Variants in PCDHGB7 observed in about 807,000 individuals in gnomAD.
PCDHGB7 encodes protocadherin gamma-B7.
Under a neutral mutation model 61.4 loss-of-function variants are expected in PCDHGB7, and 37 were observed. The observed-to-expected ratio is 0.60, with a 90% CI of 0.46 to 0.79. The LOEUF is 0.79. PCDHGB7 is among the 30% of genes least tolerant of loss of function. The pLI, the probability that PCDHGB7 is intolerant of heterozygous loss-of-function variation, is 0.00. For missense variants in PCDHGB7, 1,166 were observed against 1,202.5 expected (o/e 0.97, Z 0.45); for synonymous variants, 464 against 503.5 (o/e 0.92, Z 1.05).
chr5:141,459,579 T>G (rs1047850142), intron 1 of PCDHGB7, among the ~76,000 whole-genome samples: 2 of 152,212 alleles, frequency 1.3e-5, no homozygotes, highest in African/African-American at 4.8e-5. Context: ...AGAATTGTTT[T>G]GGGGGTCATA....
At position 141,476,813 on chromosome 5, in the gene PCDHGB7, A is replaced by G. The variant is rs749333814; in HGVS notation, c.2416-17994A>G. The G allele has an allele frequency of 6.8e-6, 11 of 1,613,548 alleles. No individual in the cohort carries two copies. Among genetic ancestry groups the G allele is most frequent in the Non-Finnish European group, 9.3e-6 (11 of 1,180,022 alleles). On this transcript the variant is annotated intron_variant, in intron 1 of 3. Transcript: ENST00000398594. The surrounding 1 kb of genome is among the most constrained non-coding windows in gnomAD (Gnocchi z 7.6). ...CTCCGCCAGCCTGCCTATTCACATC[A>G]AGGTGCTGGACGCGAATGACAATGC...
intron 1 of PCDHGB7, among the ~76,000 whole-genome samples, chr5:141,460,620 C>G (rs185269852): frequency 5.6e-4 from 85 of 151,856 alleles, no homozygotes; most frequent in African/African-American, 1.9e-3. Context: ...GATAGATAGA[C>G]AGATACAGAT....
At position 141,489,985 on chromosome 5, in the gene PCDHGB7, G is replaced by A. The variant is rs761481986; in HGVS notation, c.2416-4822G>A. ...AACCTTCCAATCCTCAGTTCTACGT[G>A]TGGGAATCCCAGAGAATGCACCCAT... On this transcript the variant is annotated intron_variant, in intron 1 of 3. Transcript: ENST00000398594. The surrounding 1 kb of genome is among the most constrained non-coding windows in gnomAD (Gnocchi z 4.5). The A allele has an allele frequency of 1.2e-6, 2 of 1,614,094 alleles. No homozygotes were observed. Among genetic ancestry groups the A allele is most frequent in the African/African-American group, 2.7e-5 (2 of 74,946 alleles).
rs1032345173 is a variant in PCDHGB7 at position 141,468,852 on chromosome 5, C to T, written c.2416-25955C>T. Among the ~76,000 whole-genome samples the T allele has an allele frequency of 7.2e-5, 11 of 151,868 alleles. No individual in the cohort carries two copies. In the East Asian group the frequency reaches 9.7e-4, roughly 13 times the overall value. On this transcript the variant is annotated intron_variant, in intron 1 of 3. Transcript: ENST00000398594. ...CTGCACTCCAGCCTGGGCAACAGAG[C>T]GAGACTCCATCTCAAAAATAATAAT... is the stretch of plus-strand genomic sequence containing the variant.
At position 141,419,723 on chromosome 5, in the gene PCDHGB7, C is replaced by A; in HGVS notation, c.1864C>A (p.Arg622=). 6 of 1,613,292 alleles carry A rather than the reference C, an allele frequency of 3.7e-6. No homozygotes were observed. The highest frequency in any genetic ancestry group is 5.1e-6 in the Non-Finnish European group (6 of 1,179,622). The change falls in exon 1 of 4, where the codon CGA becomes AGA. Residue 622 remains arginine (R), a synonymous_variant. Coordinates refer to ENST00000398594, the MANE Select transcript of PCDHGB7 (RefSeq NM_018927.4). The stretch of plus-strand genomic sequence containing the variant: ...GCCCGGGCTCTTCAGCCTGGGGCTG[C>A]GAACAGGCGAGGTGCGCATGGTGCG... ...SEPGLFSLGL[R]TGEVRMVRAL... is the part of the protein sequence containing the mutation.
Position 141,427,512 on chromosome 5 carries a change from T to A in PCDHGB7, c.2415+7238T>A, listed in dbSNP as rs1483922394. ...GCTTGTAACAGATGGGACCCTGGATTGGGAGCGGATCCCGGAGTACAACGT... is the reference window on the plus strand; with the variant it reads ...GCTTGTAACAGATGGGACCCTGGATAGGGAGCGGATCCCGGAGTACAACGT... On this transcript the variant is annotated intron_variant, in intron 1 of 3. Transcript: ENST00000398594. 1.2e-5 allele frequency: 7 copies of A among 592,748 alleles called. No homozygotes were observed. The Admixed American group carries it at 1.3e-4, about 11-fold the overall frequency. 36.7% of individuals were successfully genotyped at this position (592,748 alleles called of 1,614,324 possible). A position where few individuals can be genotyped will look rare whatever the true frequency, so the allele number is the denominator to read the frequency against.
chr5:141,419,275 G>A lies in PCDHGB7; in HGVS notation c.1416G>A (p.Ala472=). 1.6e-5 allele frequency: 26 copies of A among 1,613,974 alleles called. No individual in the cohort carries two copies. Among genetic ancestry groups the A allele is most frequent in the Non-Finnish European group, 2.2e-5 (26 of 1,179,880 alleles). The stretch of plus-strand genomic sequence containing the variant: ...ACAACCAGCCGGGTGCCTCCATAGC[G>A]CAAGTCAGTGCCTCTGACCCAGACT... ...PENNQPGASI[A]QVSASDPDFG... Residue 472 remains alanine (A), a synonymous_variant, in exon 1 of 4, where the codon GCG becomes GCA. Coordinates refer to ENST00000398594, the MANE Select transcript of PCDHGB7 (RefSeq NM_018927.4).
intron 1 of PCDHGB7, among the ~76,000 whole-genome samples, chr5:141,447,123 T>G (rs1004463863): frequency 1.3e-5 from 2 of 152,160 alleles, no homozygotes; most frequent in Non-Finnish European, 2.9e-5. Flanking sequence ...CCATGGATTT[T>G]TTTGTTTGTT....
chr5:141,489,300 C>G lies in PCDHGB7; in HGVS notation c.2416-5507C>G. The G allele has an allele frequency of 6.3e-7, 1 of 1,585,700 alleles. No individual in the cohort carries two copies. The highest frequency in any genetic ancestry group is 1.2e-5 in the South Asian group (1 of 85,012). Reference sequence around the variant, plus strand: ...AATGGCAAGTGCTGTGCATGTTGTCCTTGTGCTGCTGGGGCTGGGTGTCTG... The same window carrying G: ...AATGGCAAGTGCTGTGCATGTTGTCGTTGTGCTGCTGGGGCTGGGTGTCTG... On this transcript the variant is annotated intron_variant, in intron 1 of 3. Coordinates refer to ENST00000398594, the MANE Select transcript of PCDHGB7 (RefSeq NM_018927.4). This position sits in a 1 kb window ranked among gnomAD's most constrained non-coding sequence, Gnocchi z 4.5.
chr5:141,490,544 A>G lies in PCDHGB7; in HGVS notation c.2416-4263A>G. 6.2e-7 allele frequency: 1 copy of G among 1,614,120 alleles called. No individual in the cohort carries two copies. Among genetic ancestry groups the G allele is most frequent in the Non-Finnish European group, 8.5e-7 (1 of 1,180,028 alleles). ...AGCGATGCTGGTTCACCTTCCCTAC[A>G]CAAACATCTCACCATCAGGCTCAAC... On this transcript the variant is annotated intron_variant, in intron 1 of 3. Transcript: ENST00000398594. This position sits in a 1 kb window ranked among gnomAD's most constrained non-coding sequence, Gnocchi z 5.4.
chr5:141,432,421 C>T lies in PCDHGB7; in HGVS notation c.2415+12147C>T, dbSNP rs771647620. 10 of 1,614,126 alleles carry T rather than the reference C, an allele frequency of 6.2e-6. No homozygotes were observed. In the African/African-American group the frequency reaches 1.2e-4, roughly 19 times the overall value. ...TGTCGTTGAGCCTGTTCGTGCTGGA[C>T]CAGAACGACAATGCGCCCGAGATCC... On this transcript the variant is annotated intron_variant, in intron 1 of 3. Transcript: ENST00000398594. This position sits in a 1 kb window ranked among gnomAD's most constrained non-coding sequence, Gnocchi z 6.0.
chr5:141,485,106 T>C lies in PCDHGB7; in HGVS notation c.2416-9701T>C, dbSNP rs2099607051. The C allele has an allele frequency of 3.3e-6, 4 of 1,206,448 alleles. No homozygotes were observed. Among genetic ancestry groups the C allele is most frequent in the Non-Finnish European group, 4.8e-6 (4 of 828,284 alleles). 74.7% of individuals were successfully genotyped at this position (1,206,448 alleles called of 1,614,324 possible). ...GGGAGATAGGTGTCTCCAGCTGCTGTGGCTGTTTGGGGCGGGTCGGCTTCA... is the reference window on the plus strand; with the variant it reads ...GGGAGATAGGTGTCTCCAGCTGCTGCGGCTGTTTGGGGCGGGTCGGCTTCA... On this transcript the variant is annotated intron_variant, in intron 1 of 3. Coordinates refer to ENST00000398594, the MANE Select transcript of PCDHGB7 (RefSeq NM_018927.4). This position sits in a 1 kb window ranked among gnomAD's most constrained non-coding sequence, Gnocchi z 5.7.
Position 141,490,693 on chromosome 5 carries a change from G to A in PCDHGB7, c.2416-4114G>A. On this transcript the variant is annotated intron_variant, in intron 1 of 3. Coordinates refer to ENST00000398594, the MANE Select transcript of PCDHGB7 (RefSeq NM_018927.4). This position sits in a 1 kb window ranked among gnomAD's most constrained non-coding sequence, Gnocchi z 5.4. ...GGCTGCCTCAGATCCAGACACTGGGGATAATGCCCGCCTCACCTACTCCAT... is the reference window on the plus strand; with the variant it reads ...GGCTGCCTCAGATCCAGACACTGGGAATAATGCCCGCCTCACCTACTCCAT... 1.9e-6 allele frequency: 3 copies of A among 1,614,170 alleles called. No homozygotes were observed. Among genetic ancestry groups the A allele is most frequent in the Non-Finnish European group, 2.5e-6 (3 of 1,180,018 alleles).
chr5:141,486,645 C>T lies in PCDHGB7; in HGVS notation c.2416-8162C>T, dbSNP rs369948556. ...GACTCTGGCTTGAATGCGCTTATCT[C>T]CTACTCACTCCTGGAGCCCAGGAAT... On this transcript the variant is annotated intron_variant, in intron 1 of 3. Coordinates refer to ENST00000398594, the MANE Select transcript of PCDHGB7 (RefSeq NM_018927.4). This position sits in a 1 kb window ranked among gnomAD's most constrained non-coding sequence, Gnocchi z 5.0. 1.9e-6 allele frequency: 3 copies of T among 1,613,752 alleles called. No individual in the cohort carries two copies. The highest frequency in any genetic ancestry group is 2.2e-5 in the East Asian group (1 of 44,896).
In PCDHGB7 at chr5:141,491,534, G is replaced by A. The variant is rs376996144; in HGVS notation, c.2416-3273G>A. On this transcript the variant is annotated intron_variant, in intron 1 of 3. Coordinates refer to ENST00000398594, the MANE Select transcript of PCDHGB7 (RefSeq NM_018927.4). This position sits in a 1 kb window ranked among gnomAD's most constrained non-coding sequence, Gnocchi z 6.9. The stretch of plus-strand genomic sequence containing the variant: ...CTCAAGTACATGGAGGTGACGCTGC[G>A]GCCCACAGACTCGCAGAGCCACTGC... The A allele has an allele frequency of 6.2e-7, 1 of 1,614,030 alleles. No homozygotes were observed. The highest frequency in any genetic ancestry group is 8.5e-7 in the Non-Finnish European group (1 of 1,180,028).
intron 1 of PCDHGB7, among the ~76,000 whole-genome samples, chr5:141,483,611 A>G (rs2099583566): frequency 6.6e-6 from 1 of 151,952 alleles, no homozygotes; most frequent in South Asian, 2.1e-4. Context: ...TTACACCTCC[A>G]TCATTCCCAT....
chr5:141,429,896 A>G (rs1307950556), intron 1 of PCDHGB7, among the ~76,000 whole-genome samples: 1 of 152,346 alleles, frequency 6.6e-6, no homozygotes, highest in South Asian at 2.1e-4. Flanking sequence ...TGAACAATAA[A>G]TATTTTTGAA....
chr5:141,460,470 A>T (rs2098990057), intron 1 of PCDHGB7, among the ~76,000 whole-genome samples: 1 of 152,110 alleles, frequency 6.6e-6, no homozygotes, highest in South Asian at 2.1e-4. Flanking sequence ...TTTCCAAAGG[A>T]ATATCCAATT....
At chr5:141,474,652 T>C (rs962582027) in intron 1 of PCDHGB7, among the ~76,000 whole-genome samples, 1 of 152,206 alleles carries the variant, frequency 6.6e-6, no homozygotes, top group African/African-American at 2.4e-5. Context: ...TCCTTACTTC[T>C]TTTCTACCTA....
Sources: allele counts gnomAD v4.1 joint callset (sites outside exome capture counted in the v4.1 genomes callset), GRCh38; gene constraint gnomAD v4.1.1; non-coding constraint Gnocchi (gnomAD v3.1); transcripts MANE v1.5; gene names NCBI Gene and HGNC (gene_info 2026-07-23, HGNC 2026-07-21).